Variants in NOX1 observed in about 807,000 individuals in gnomAD.
The protein encoded by NOX1 is NADPH oxidase 1.
A neutral mutation model predicts 42.5 loss-of-function variants in NOX1; 34 were observed. The observed-to-expected ratio is 0.80, with a 90% CI of 0.61 to 1.07. The LOEUF (loss-of-function observed/expected upper bound fraction) is 1.07. Ranked by LOEUF, NOX1 falls within the 50% of genes least tolerant of loss-of-function variation. NOX1 has a pLI of 0.00. For synonymous variants in NOX1, 143 were observed against 152.5 expected (o/e 0.94, Z 0.46); for missense variants, 408 against 427.0 (o/e 0.96, Z 0.39).
Position 100,874,250 on chromosome X carries a change from C to T in NOX1, c.-111G>A. The T allele has an allele frequency of 1.9e-6, 1 of 526,125 alleles. No homozygotes were observed. The highest frequency in any genetic ancestry group is 3.3e-6 in the Non-Finnish European group (1 of 303,056). The allele number at this position is 526,125 out of a possible 1,213,427, so 43.4% of individuals were successfully genotyped here. On this transcript the variant is annotated 5_prime_UTR_variant, in exon 1 of 13. Transcript: ENST00000372966. ...TTTGTCCAGCGCAGGGTCTGTGAGC[C>T]TTTAAGATGTGAAAAACACACACCT...
intron 2 of NOX1, among the ~76,000 whole-genome samples, chrX:100,867,698 T>C (rs1171521757): frequency 9.3e-6 from 1 of 107,411 alleles, no homozygotes; most frequent in Non-Finnish European, 1.9e-5. Context: ...TGCCACTGCA[T>C]GCCAGCCTGG....
Position 100,850,309 on chromosome X carries a change from G to A in NOX1, c.975C>T (p.Ile325=). 1 of 1,209,480 alleles carries A rather than the reference G, an allele frequency of 8.3e-7. No homozygotes were observed. The highest frequency in any genetic ancestry group is 1.1e-6 in the Non-Finnish European group (1 of 893,951). ...GAGAGATTGAGGGGCAATTAACAAAGATATACTGCCCCACTTCCATGCTGA... is the reference window on the plus strand; with the variant it reads ...GAGAGATTGAGGGGCAATTAACAAAAATATACTGCCCCACTTCCATGCTGA... The part of the protein sequence containing the change: ...RGFSMEVGQY[I]FVNCPSISLL... Residue 325 remains isoleucine (I), a synonymous_variant, in exon 9 of 13, where the codon ATC becomes ATT. Coordinates refer to ENST00000372966, the MANE Select transcript of NOX1 (RefSeq NM_007052.5).
intron 3 of NOX1, 100 bp from the exon 4 acceptor site, chrX:100,863,343 A>G (rs940670961): frequency 7.9e-6 from 7 of 883,267 alleles, no homozygotes; most frequent in African/African-American, 2.0e-5. Flanking sequence ...GCCAATACTC[A>G]CCCGCACTAA....
chrX:100,869,359 C>T (rs2085258681), intron 2 of NOX1, among the ~76,000 whole-genome samples: 1 of 108,271 alleles, frequency 9.2e-6, no homozygotes, highest in Admixed American at 9.9e-5. Context: ...TGTAGTTCTC[C>T]TTGAAGAGGT....
rs1259727778 is a variant in NOX1, at chrX:100,849,871, C to T, written c.1197G>A (p.Val399=). 1.7e-5 allele frequency: 20 copies of T among 1,209,355 alleles called. No homozygotes were observed. Among genetic ancestry groups the T allele is most frequent in the Non-Finnish European group, 2.2e-5 (20 of 894,759 alleles). Residue 399 remains valine (V), a synonymous_variant, in exon 10 of 13, where the codon GTG becomes GTA. Coordinates refer to ENST00000372966, the MANE Select transcript of NOX1 (RefSeq NM_007052.5). ...SEDVFQYEVA[V]LVGAGIGVTP... is the part of the protein sequence containing the mutation. ...TGACCCCAATTCCTGCTCCAACCAGCACAGCCACTTCATACTGGAAAACAT... is the reference window on the plus strand; with the variant it reads ...TGACCCCAATTCCTGCTCCAACCAGTACAGCCACTTCATACTGGAAAACAT...
rs1313154653 is a variant in NOX1 at position 100,850,180 on chromosome X, A to G, written c.1104T>C (p.Ala368=). The change falls in exon 9 of 13, where the codon GCT becomes GCC. Residue 368 remains alanine, a synonymous_variant. Transcript: ENST00000372966. ...AGDWTENLIR[A]FEQQYSPIPR... ...GAATTGGTGAATATTGTTGTTCGAAAGCCCTTATGAGATTTTCTGTCCAGT... is the reference window on the plus strand; with the variant it reads ...GAATTGGTGAATATTGTTGTTCGAAGGCCCTTATGAGATTTTCTGTCCAGT... 1.7e-6 allele frequency: 2 copies of G among 1,209,149 alleles called. No individual in the cohort carries two copies. The highest frequency in any genetic ancestry group is 2.2e-6 in the Non-Finnish European group (2 of 894,391).
At position 100,863,592 on chromosome X, in the gene NOX1, T is replaced by C. The variant is rs758836523; in HGVS notation, c.145A>G (p.Thr49Ala). The C allele has an allele frequency of 1.7e-6, 2 of 1,205,902 alleles. No individual in the cohort carries two copies. Among genetic ancestry groups the C allele is most frequent in the East Asian group, 3.0e-5 (1 of 33,620 alleles). Residue 49 changes from threonine to alanine, a missense_variant, in exon 3 of 13, where the codon ACA becomes GCA. Physicochemically the swap from Thr to Ala is moderately conservative, Grantham distance 58. Coordinates refer to ENST00000372966, the MANE Select transcript of NOX1 (RefSeq NM_007052.5). ...GCAGACGCTCGGGCACAGGCCAATG[T>C]TGACTACAGCAGAGGAGAAAAAGAG... ...YYYTRKILGSTLACARASALC... is the reference protein window; with the variant it reads ...YYYTRKILGSALACARASALC...
At position 100,849,372 on chromosome X, in the gene NOX1, G is replaced by A. The variant is rs1412388460; in HGVS notation, c.1351C>T (p.Leu451=). 8.3e-7 allele frequency: 1 copy of A among 1,210,111 alleles called. No individual in the cohort carries two copies. The part of the protein sequence containing the change: ...ETGAFSWFNN[L]LTSLEQEMEE... Reference sequence around the variant, plus strand: ...ATCTCCTGTTCCAGGGAAGTCAACAGGTTGTTGAACCAGGAAAAGGCACCT... The same window carrying A: ...ATCTCCTGTTCCAGGGAAGTCAACAAGTTGTTGAACCAGGAAAAGGCACCT... Residue 451 remains leucine, a synonymous_variant, in exon 11 of 13, where the codon CTG becomes TTG. Coordinates refer to ENST00000372966, the MANE Select transcript of NOX1 (RefSeq NM_007052.5).
At chrX:100,856,377 A>G in intron 7 of NOX1, 1 of 527,543 alleles carries the variant, frequency 1.9e-6, no homozygotes, top group East Asian at 3.3e-5. Context: ...TCTGACTTAG[A>G]CAAGATGGAA....
intron 7 of NOX1, among the ~76,000 whole-genome samples, chrX:100,861,167 T>A (rs1209000359): frequency 8.9e-6 from 1 of 111,956 alleles, no homozygotes; most frequent in Non-Finnish European, 1.9e-5. Context: ...CTTAAGGTGC[T>A]TTTATGGTTT....
chrX:100,850,321 C>G lies in NOX1; in HGVS notation c.963G>C (p.Val321=). ...GGCAATTAACAAAGATATACTGCCC[C>G]ACTTCCATGCTGAAGCCACGCTTGT... ...QMNKRGFSME[V]GQYIFVNCPS... is the part of the protein sequence containing the mutation. The change falls in exon 9 of 13, where the codon GTG becomes GTC. Residue 321 remains valine, a synonymous_variant. Transcript: ENST00000372966. The G allele has an allele frequency of 8.3e-7, 1 of 1,208,371 alleles. No individual in the cohort carries two copies. Among genetic ancestry groups the G allele is most frequent in the Non-Finnish European group, 1.1e-6 (1 of 893,615 alleles).
chrX:100,855,897 A>T, intron 7 of NOX1: 1 of 1,175,492 alleles, frequency 8.5e-7, no homozygotes. Flanking sequence ...TTTCGGAATG[A>T]CAATCTTATC....
rs182310431 is a variant in NOX1 at position 100,871,754 on chromosome X, C to T, written c.46-940G>A. 1.7e-3 allele frequency among the ~76,000 whole-genome samples: 189 copies of T among 111,230 alleles called. 1 individual carries two copies. The highest frequency in any genetic ancestry group is 5.8e-3 in the African/African-American group (178 of 30,602). On this transcript the variant is annotated intron_variant, in intron 1 of 12. Transcript: ENST00000372966. Reference sequence around the variant, plus strand: ...CAGGGCGCTAGTATATATCCCTCGCCCCACAGTATGAGTCAGAACCATCTC... The same window carrying T: ...CAGGGCGCTAGTATATATCCCTCGCTCCACAGTATGAGTCAGAACCATCTC...
chrX:100,868,097 ATT>A (rs772389368), intron 2 of NOX1, among the ~76,000 whole-genome samples: 1 of 112,126 alleles, frequency 8.9e-6, no homozygotes. Flanking sequence ...GTAAAAAGCT[ATT>A]TTTAAAGCAA....
At position 100,868,507 on chromosome X, in the gene NOX1, C is replaced by A. The variant is rs192024244; in HGVS notation, c.141+2212G>T. 7.6e-4 allele frequency among the ~76,000 whole-genome samples: 84 copies of A among 110,565 alleles called. 2 individuals are homozygous for A. The East Asian group carries it at 0.023, about 30-fold the overall frequency. ...CACCTCCACACCCCTGTGCCCTACC[C>A]ACTCCCTCCCTCCCTCTTCTGTTTT... On this transcript the variant is annotated intron_variant, in intron 2 of 12. Coordinates refer to ENST00000372966, the MANE Select transcript of NOX1 (RefSeq NM_007052.5).
chrX:100,848,589 G>A (rs1455416250), intron 12 of NOX1, 41 bp downstream of exon 12: 28 of 1,175,012 alleles, frequency 2.4e-5, no homozygotes, highest in Non-Finnish European at 3.1e-5. Flanking sequence ...CACCACGCAC[G>A]GCCCCTGTAA....
Position 100,863,216 on chromosome X carries a change from A to T in NOX1, c.280T>A (p.Leu94Met). 7.5e-6 allele frequency: 9 copies of T among 1,207,248 alleles called. No individual in the cohort carries two copies. Among genetic ancestry groups the T allele is most frequent in the Non-Finnish European group, 1.0e-5 (9 of 891,421 alleles). ...SFCSRTLRKQ[L>M]DHNLTFHKLV... The stretch of plus-strand genomic sequence containing the variant: ...TTGTGGAAGGTGAGGTTGTGATCCA[A>T]TTGCTTTCTCAGTGTGCGGCTGCAA... Residue 94 changes from leucine to methionine, a missense_variant, in exon 4 of 13, where the codon TTG becomes ATG. Coordinates refer to ENST00000372966, the MANE Select transcript of NOX1 (RefSeq NM_007052.5).
At chrX:100,853,292 T>TTCTTTCTTTCTCTCTCTTTC (rs2085134166) in intron 7 of NOX1, among the ~76,000 whole-genome samples, 54 of 65,902 alleles carry the variant, frequency 8.2e-4, no homozygotes, top group Middle Eastern at 7.5e-3. Flanking sequence ...CTTTCTTTCT[T>TTCTTTCTTTCTCTCTCTTTC]TCTTTCTTTC....
chrX:100,855,211 G>A, intron 7 of NOX1: 1 of 481,274 alleles, frequency 2.1e-6, no homozygotes, highest in East Asian at 4.0e-5. Flanking sequence ...GTTTGGCTGA[G>A]TTCATGAATC....
Sources: allele counts gnomAD v4.1 joint callset (sites outside exome capture counted in the v4.1 genomes callset), GRCh38; gene constraint gnomAD v4.1.1; transcripts MANE v1.5; gene names NCBI Gene and HGNC (gene_info 2026-07-23, HGNC 2026-07-21).